Variants in MEIG1 observed in about 807,000 individuals in gnomAD.
The protein encoded by MEIG1 is meiosis/spermiogenesis associated 1.
A neutral mutation model predicts 11.3 loss-of-function variants in MEIG1; 12 were observed. The ratio of observed to expected loss-of-function variants is 1.07; its 90% confidence interval spans 0.68 to 1.73. The LOEUF (loss-of-function observed/expected upper bound fraction) is 1.73. Among genes scored for constraint, MEIG1 ranks in the 40% most tolerant of loss-of-function variants. MEIG1 has a pLI of 0.00. For missense variants in MEIG1, 119 were observed against 104.9 expected, an observed-to-expected ratio of 1.13 and a Z score of -0.59; for synonymous variants, 41 against 33.2, an observed-to-expected ratio of 1.24 and a Z score of -0.81.
chr10:14,972,016 CTT>C (rs752832334), intron 2 of MEIG1, among the ~76,000 whole-genome samples: 5 of 143,102 alleles, frequency 3.5e-5, no homozygotes, highest in East Asian at 2.0e-4. Flanking sequence ...AATTAGTTGT[CTT>C]TTTTTTTTTT....
intron 2 of MEIG1, among the ~76,000 whole-genome samples, chr10:14,966,826 C>T (rs1013665459): frequency 1.3e-5 from 2 of 152,096 alleles, no homozygotes; most frequent in Admixed American, 6.6e-5. Flanking sequence ...CTCCACCTCC[C>T]GGATTCAAGG....
At chr10:14,959,840 C>G (rs1422949637) in intron 1 of MEIG1, among the ~76,000 whole-genome samples, 1 of 152,218 alleles carries the variant, frequency 6.6e-6, no homozygotes, top group Admixed American at 6.5e-5. Context: ...CCGAGGGCTC[C>G]GATTTGGGCC....
chr10:14,970,094 A>C (rs1018166383), intron 2 of MEIG1, among the ~76,000 whole-genome samples: 5 of 152,140 alleles, frequency 3.3e-5, no homozygotes, highest in African/African-American at 9.7e-5. Context: ...ATGGTGACTG[A>C]AGGCTTGCTT....
chr10:14,982,750 C>T (rs1198475999), intron 1 of MEIG1, among the ~76,000 whole-genome samples: 2 of 151,898 alleles, frequency 1.3e-5, no homozygotes, highest in Non-Finnish European at 2.9e-5. Context: ...TTAATTGATA[C>T]TAATAATTAT....
downstream of MEIG1, among the ~76,000 whole-genome samples, chr10:14,973,518 C>CA (rs1843174907): frequency 6.6e-6 from 1 of 152,080 alleles, no homozygotes; most frequent in South Asian, 2.1e-4. Flanking sequence ...ACCTAAAATC[C>CA]TAGCACTTTG....
intron 2 of MEIG1, chr10:14,987,748 A>G (rs1189831628): frequency 4.9e-6 from 1 of 205,660 alleles, no homozygotes; most frequent in Non-Finnish European, 9.9e-6. Flanking sequence ...CTCTTTTCAG[A>G]AAAAACACAA....
upstream of MEIG1, among the ~76,000 whole-genome samples, chr10:14,959,218 G>C (rs748767712): frequency 2.6e-5 from 4 of 152,192 alleles, no homozygotes; most frequent in Admixed American, 6.5e-5. Flanking sequence ...CTCTGCTCAG[G>C]GGTGAGCCCT....
In MEIG1 at chr10:14,987,271, G is replaced by T. The variant is rs532409709; in HGVS notation, n.285+257G>T. 40 of 807,098 alleles carry T rather than the reference G, an allele frequency of 5.0e-5. No individual in the cohort carries two copies. The East Asian group carries it at 5.4e-4, about 11-fold the overall frequency. The allele number at this position is 807,098 out of a possible 1,614,324, so 50.0% of individuals were successfully genotyped here. On this transcript the variant is annotated intron_variant and non_coding_transcript_variant, in intron 2 of 2. Transcript: ENST00000467536. ...GGAAGAAGTACATGGGGGTATGGAG[G>T]GGGGAGTCAGAGCTGACAGCCAGGA... is the stretch of plus-strand genomic sequence containing the variant.
At chr10:14,965,677 A>AGAGAGAGAGAGAGG in intron 1 of MEIG1, among the ~76,000 whole-genome samples, 1 of 46,680 alleles carries the variant, frequency 2.1e-5, no homozygotes, top group East Asian at 3.8e-4. Flanking sequence ...TCCCTTTTTG[A>AGAGAGAGAGAGAGG]GAGAGAGAGA....
At chr10:14,987,200 AC>A in intron 2 of MEIG1, 1 of 971,682 alleles carries the variant, frequency 1.0e-6, no homozygotes, top group Non-Finnish European at 1.6e-6. Flanking sequence ...CACCTTGGGA[AC>A]CGTGGCCGAA....
chr10:14,983,030 A>G (rs1253622171), intron 1 of MEIG1, among the ~76,000 whole-genome samples: 2 of 152,158 alleles, frequency 1.3e-5, no homozygotes, highest in Non-Finnish European at 2.9e-5. Flanking sequence ...TGTTAATAAT[A>G]AATGAGGAAG....
intron 1 of MEIG1, among the ~76,000 whole-genome samples, chr10:14,986,166 A>C (rs1283823838): frequency 6.6e-6 from 1 of 152,098 alleles, no homozygotes; most frequent in Non-Finnish European, 1.5e-5. Flanking sequence ...TTTAACCATG[A>C]AATACAACAT....
intron 1 of MEIG1, among the ~76,000 whole-genome samples, chr10:14,983,553 G>A (rs572144996): frequency 6.1e-4 from 93 of 152,128 alleles, no homozygotes; most frequent in Non-Finnish European, 1.2e-3. Context: ...CATCCAGTCT[G>A]TGCTATTGTT....
At chr10:14,974,198 T>C (rs1237558981), downstream of MEIG1, among the ~76,000 whole-genome samples, 1 of 152,150 alleles carries the variant, frequency 6.6e-6, no homozygotes, top group Non-Finnish European at 1.5e-5. Flanking sequence ...TCCTGGTAAC[T>C]GGGTCCTTCC....
intron 1 of MEIG1, among the ~76,000 whole-genome samples, chr10:14,983,531 G>T (rs1476319394): frequency 6.6e-6 from 1 of 151,880 alleles, no homozygotes; most frequent in Non-Finnish European, 1.5e-5. Context: ...TCCCAATATC[G>T]CAGGGGGTGT....
At chr10:14,974,774 G>T (rs1196686608), downstream of MEIG1, among the ~76,000 whole-genome samples, 1 of 151,746 alleles carries the variant, frequency 6.6e-6, no homozygotes, top group East Asian at 1.9e-4. Context: ...AACTGATATT[G>T]ATCTTATTCA....
intron 2 of MEIG1, chr10:14,987,187 A>C: frequency 1.0e-6 from 1 of 974,612 alleles, no homozygotes; most frequent in South Asian, 1.3e-5. Context: ...GCATGTCCAC[A>C]GTCACCTTGG....
intron 1 of MEIG1, among the ~76,000 whole-genome samples, chr10:14,965,457 T>C (rs1367541382): frequency 1.3e-5 from 2 of 152,152 alleles, no homozygotes; most frequent in South Asian, 4.1e-4. Flanking sequence ...AAATCCATGG[T>C]CTCAGTACCA....
chr10:14,966,526 GA>G lies in MEIG1; in HGVS notation c.59del (p.Glu20GlyfsTer2). ...SVSHAKKWSE[E>X]IENLYRFQQA... Reference sequence around the variant, plus strand: ...AAGTCATGCCAAAAAATGGTCAGAAGAGATAGAAAATCTGTACAGATTTCAA... The same window carrying G: ...AAGTCATGCCAAAAAATGGTCAGAAGGATAGAAAATCTGTACAGATTTCAA... On this transcript the variant is annotated frameshift_variant, in exon 2 of 3. Coordinates refer to ENST00000407572, the MANE Select transcript of MEIG1 (RefSeq NM_001080836.3). LOFTEE classifies it high-confidence loss of function. 1 of 1,612,968 alleles carries G rather than the reference GA, an allele frequency of 6.2e-7. No individual in the cohort carries two copies. The highest frequency in any genetic ancestry group is 8.5e-7 in the Non-Finnish European group (1 of 1,179,524).
Sources: gnomAD v4.1 joint callset for allele counts (sites outside exome capture counted in the v4.1 genomes callset) on GRCh38, gnomAD v4.1.1 for gene constraint, MANE v1.5 for transcripts, NCBI Gene and HGNC (gene_info 2026-07-23, HGNC 2026-07-21) for gene names.